TEK: variants seen among roughly 807,000 people sequenced by gnomAD.
The protein encoded by TEK is angiopoietin-1 receptor.
A neutral mutation model predicts 131.8 loss-of-function variants in TEK; 43 were observed. The observed-to-expected ratio is 0.33, with a 90% CI of 0.26 to 0.42. The LOEUF (loss-of-function observed/expected upper bound fraction) is 0.42, where lower values mean the gene tolerates loss of function less well. Among genes scored for constraint, TEK ranks in the 10% least tolerant of loss-of-function variants. The pLI is 1.00. For missense variants in TEK, 1,162 were observed against 1,384.4 expected, an observed-to-expected ratio of 0.84 and a Z score of 2.55; for synonymous variants, 580 against 491.6, an observed-to-expected ratio of 1.18 and a Z score of -2.38.
intron 11 of TEK, among the ~76,000 whole-genome samples, chr9:27,194,528 T>G (rs1310602425): frequency 6.6e-6 from 1 of 152,168 alleles, no homozygotes; most frequent in Admixed American, 6.5e-5. Flanking sequence ...ATCCCTGATA[T>G]GTCATCATGT....
intron 10 of TEK, chr9:27,191,927 A>C: frequency 2.2e-6 from 1 of 455,576 alleles, no homozygotes; most frequent in South Asian, 1.6e-5. Context: ...TTATCTTTGC[A>C]GTATCCATGG....
At chr9:27,133,810 T>C (rs970574970) in intron 1 of TEK, among the ~76,000 whole-genome samples, 3 of 152,226 alleles carry the variant, frequency 2.0e-5, no homozygotes, top group African/African-American at 7.2e-5. Context: ...GTGTAACATA[T>C]TGTCTTTTAC....
At chr9:27,145,394 C>T (rs755160437) in intron 1 of TEK, among the ~76,000 whole-genome samples, 3 of 152,172 alleles carry the variant, frequency 2.0e-5, no homozygotes, top group East Asian at 1.9e-4. Context: ...AGCCATGAGC[C>T]GTCCTTCCTT....
At chr9:27,161,813 A>G (rs1413825) in intron 2 of TEK, among the ~76,000 whole-genome samples, 98,194 of 152,076 alleles carry the variant, frequency 0.65, 32,272 homozygotes, top group Admixed American at 0.74. Flanking sequence ...CATGTGAAAA[A>G]AAATAAGGAT....
At chr9:27,210,965 ACAAAAAATT>A (rs1825591021) in intron 16 of TEK, among the ~76,000 whole-genome samples, 1 of 151,992 alleles carries the variant, frequency 6.6e-6, no homozygotes, top group African/African-American at 2.4e-5. Flanking sequence ...TACTAAAAAT[ACAAAAAATT>A]AACTGGGCCT....
intron 7 of TEK, among the ~76,000 whole-genome samples, chr9:27,181,114 G>A (rs757769240): frequency 2.0e-5 from 3 of 151,876 alleles, no homozygotes; most frequent in Non-Finnish European, 4.4e-5. Context: ...GGGGGCTAGG[G>A]GTACTGACCC....
intron 4 of TEK, among the ~76,000 whole-genome samples, chr9:27,170,359 C>T (rs1823906104): frequency 6.6e-6 from 1 of 152,118 alleles, no homozygotes; most frequent in Admixed American, 6.6e-5. Context: ...TGAAAAGTGG[C>T]TGGGTACGGT....
At position 27,229,391 on chromosome 9, in the gene TEK, T is replaced by G; in HGVS notation, c.*159T>G. On this transcript the variant is annotated 3_prime_UTR_variant, in exon 23 of 23. Coordinates refer to ENST00000380036, the MANE Select transcript of TEK (RefSeq NM_000459.5). The stretch of plus-strand genomic sequence containing the variant: ...CCACTGTAGATCCCATGCATGGATC[T>G]ATGTAGTATGCTCTGACTCTAATAG... 1 of 727,458 alleles carries G rather than the reference T, an allele frequency of 1.4e-6. No individual in the cohort carries two copies. The highest frequency in any genetic ancestry group is 1.9e-5 in the Admixed American group (1 of 52,064). The allele number at this position is 727,458 out of a possible 1,614,324, so 45.1% of individuals were successfully genotyped here.
Position 27,139,212 on chromosome 9 carries a change from C to CAAAAAAAAAAA in TEK, c.53-18616_53-18606dup, listed in dbSNP as rs746301649. Among the ~76,000 whole-genome samples, 100 of 57,264 alleles carry CAAAAAAAAAAA rather than the reference C, an allele frequency of 1.7e-3. 1 individual carries two copies. The highest frequency in any genetic ancestry group is 3.6e-3 in the African/African-American group (52 of 14,318). The allele number at this position is 57,264 out of a possible 152,430, so 37.6% of individuals were successfully genotyped here. ...TGGGCGACAGAGCGAGACTCTGTCT[C>CAAAAAAAAAAA]AAAAAAAAAAAAACAGTAGGATTCT... On this transcript the variant is annotated intron_variant, in intron 1 of 22. Transcript: ENST00000380036.
chr9:27,195,710 G>A (rs1824981204), intron 11 of TEK: 1 of 455,852 alleles, frequency 2.2e-6, no homozygotes, highest in South Asian at 1.5e-5. Flanking sequence ...AGGGAGGGAG[G>A]AAACCAGTGT....
At chr9:27,217,429 G>C (rs1233195030) in intron 18 of TEK, among the ~76,000 whole-genome samples, 1 of 152,196 alleles carries the variant, frequency 6.6e-6, no homozygotes, top group East Asian at 1.9e-4. Context: ...GCTATAAGGT[G>C]AATAAGGAAT....
intron 1 of TEK, among the ~76,000 whole-genome samples, chr9:27,151,350 A>G (rs557619438): frequency 6.6e-6 from 1 of 152,324 alleles, no homozygotes; most frequent in East Asian, 1.9e-4. Flanking sequence ...TAGTGCTGGT[A>G]GTTCTTAGGG....
intron 1 of TEK, among the ~76,000 whole-genome samples, chr9:27,153,044 T>C (rs1166403740): frequency 6.6e-6 from 1 of 152,218 alleles, no homozygotes; most frequent in African/African-American, 2.4e-5. Flanking sequence ...CAAAACATTT[T>C]AGAGGATTGT....
Position 27,203,657 on chromosome 9 carries a change from T to C in TEK, c.2209+538T>C, listed in dbSNP as rs985667564. ...TACTGTGCCCACCATTTGTGATTGA[T>C]AAAGTCTGTTGAGTGTAATTAAGTG... On this transcript the variant is annotated intron_variant, in intron 13 of 22. Coordinates refer to ENST00000380036, the MANE Select transcript of TEK (RefSeq NM_000459.5). 4.6e-5 allele frequency among the ~76,000 whole-genome samples: 7 copies of C among 152,312 alleles called. No individual in the cohort carries two copies. In the South Asian group the frequency reaches 1.4e-3, roughly 32 times the overall value.
chr9:27,157,324 ACTGT>A (rs1258739655), intron 1 of TEK, among the ~76,000 whole-genome samples: 3 of 152,330 alleles, frequency 2.0e-5, no homozygotes, highest in South Asian at 2.1e-4. Context: ...TCACTTAGTC[ACTGT>A]CTGTCACTTA....
At chr9:27,185,137 T>G (rs1397908954) in intron 8 of TEK, among the ~76,000 whole-genome samples, 1 of 152,070 alleles carries the variant, frequency 6.6e-6, no homozygotes, top group Non-Finnish European at 1.5e-5. Flanking sequence ...AGGAAGTCAC[T>G]TTGTCCTCCC....
chr9:27,169,715 G>A (rs181674674), intron 4 of TEK, 86 bp downstream of exon 4: 9 of 1,583,096 alleles, frequency 5.7e-6, no homozygotes, highest in Admixed American at 5.0e-5. Context: ...AACTAACCAT[G>A]GCTTCTTAAG....
intron 4 of TEK, among the ~76,000 whole-genome samples, chr9:27,170,511 G>A (rs888548259): frequency 2.0e-4 from 31 of 152,184 alleles, no homozygotes; most frequent in African/African-American, 7.5e-4. Flanking sequence ...TGTAGTTCTA[G>A]CTATTTGACA....
At chr9:27,197,631 G>C (rs1211228114) in intron 12 of TEK, 32 bp downstream of exon 12, 2 of 1,612,758 alleles carry the variant, frequency 1.2e-6, no homozygotes, top group Non-Finnish European at 1.7e-6. Context: ...AGCCTCATCT[G>C]AGCAATAAGG....
Sources: allele counts gnomAD v4.1 joint callset (sites outside exome capture counted in the v4.1 genomes callset), GRCh38; gene constraint gnomAD v4.1.1; transcripts MANE v1.5; gene names NCBI Gene and HGNC (gene_info 2026-07-23, HGNC 2026-07-21).